Variants in LRRFIP1 observed in about 807,000 individuals in gnomAD.
LRRFIP1 encodes the protein LRR binding FLII interacting protein 1.
LRRFIP1 carries 62 observed loss-of-function variants against 104.4 expected under a neutral mutation model. The observed-to-expected ratio is 0.59, with a 90% CI of 0.48 to 0.73. The LOEUF is 0.73. Ranked by LOEUF, LRRFIP1 falls within the 30% of genes least tolerant of loss-of-function variation. The pLI, the probability that LRRFIP1 is intolerant of heterozygous loss-of-function variation, is 0.00. For missense variants in LRRFIP1, 796 were observed against 824.5 expected, an observed-to-expected ratio of 0.97 and a Z score of 0.42; for synonymous variants, 300 against 299.0, an observed-to-expected ratio of 1.00 and a Z score of -0.03.
At chr2:237,674,572 A>G (rs1310683711) in intron 1 of LRRFIP1, among the ~76,000 whole-genome samples, 3 of 152,270 alleles carry the variant, frequency 2.0e-5, no homozygotes, top group Admixed American at 6.5e-5. Flanking sequence ...TAAGGAAGAC[A>G]AAAGAACTGC....
chr2:237,633,385 A>G (rs1253932762), intron 1 of LRRFIP1, among the ~76,000 whole-genome samples: 1 of 152,188 alleles, frequency 6.6e-6, no homozygotes, highest in African/African-American at 2.4e-5. Flanking sequence ...AGCTGTGGAC[A>G]GGCCTGCTGG....
chr2:237,673,352 CG>C (rs898074543), intron 1 of LRRFIP1, among the ~76,000 whole-genome samples: 1 of 152,088 alleles, frequency 6.6e-6, no homozygotes, highest in African/African-American at 2.4e-5. Context: ...GGTAGGCGCC[CG>C]GGGGGAGTCT....
chr2:237,719,475 C>T, intron 4 of LRRFIP1, 48 bp from the exon 5 acceptor site: 3 of 1,451,218 alleles, frequency 2.1e-6, no homozygotes, highest in Non-Finnish European at 2.9e-6. Flanking sequence ...AGCACTTTTC[C>T]TGTGTCCATC....
intron 19 of LRRFIP1, chr2:237,763,221 G>A: frequency 5.6e-6 from 9 of 1,614,128 alleles, no homozygotes; most frequent in Non-Finnish European, 7.6e-6. Flanking sequence ...GAAGAAGAGG[G>A]TGAAGAAACA....
chr2:237,706,450 A>C (rs980975319), intron 1 of LRRFIP1, among the ~76,000 whole-genome samples: 2 of 151,922 alleles, frequency 1.3e-5, no homozygotes, highest in African/African-American at 4.8e-5. Flanking sequence ...GAAACCTCGT[A>C]CCTGCTCTGT....
At chr2:237,760,899 C>T (rs2059789391) in intron 19 of LRRFIP1, among the ~76,000 whole-genome samples, 1 of 152,106 alleles carries the variant, frequency 6.6e-6, no homozygotes, top group South Asian at 2.1e-4. Context: ...TATTTTATAC[C>T]ATTTTCAATG....
At chr2:237,629,152 A>G (rs1305089223) in intron 1 of LRRFIP1, among the ~76,000 whole-genome samples, 1 of 152,280 alleles carries the variant, frequency 6.6e-6, no homozygotes, top group Non-Finnish European at 1.5e-5. Context: ...AGCTCAGCAC[A>G]GAGCCAGGCA....
intron 1 of LRRFIP1, among the ~76,000 whole-genome samples, chr2:237,680,148 A>G (rs1204600568): frequency 6.6e-6 from 1 of 152,108 alleles, no homozygotes; most frequent in African/African-American, 2.4e-5. Flanking sequence ...TTCCACATTC[A>G]TGGATTCAAC....
rs2060273507 is a variant in LRRFIP1, at chr2:237,766,760, C to T, written c.1460-3183C>T. 6.6e-6 allele frequency among the ~76,000 whole-genome samples: 1 copy of T among 152,216 alleles called. No homozygotes were observed. Among genetic ancestry groups the T allele is most frequent in the Non-Finnish European group, 1.5e-5 (1 of 68,040 alleles). On this transcript the variant is annotated intron_variant, in intron 19 of 23. Transcript: ENST00000308482. The surrounding 1 kb of genome is among the most constrained non-coding windows in gnomAD (Gnocchi z 4.8). ...AAAGAAAGAGTTCTGAGCAGCCAAA[C>T]CATTTCTCGATGATTTCAGAGCCTT...
At chr2:237,746,742 C>T (rs1017594674) in intron 11 of LRRFIP1, among the ~76,000 whole-genome samples, 1 of 152,200 alleles carries the variant, frequency 6.6e-6, no homozygotes, top group South Asian at 2.1e-4. Context: ...CTGCACCCAA[C>T]GTGAGAATGG....
At chr2:237,635,878 C>G (rs2083016860) in intron 1 of LRRFIP1, among the ~76,000 whole-genome samples, 1 of 152,086 alleles carries the variant, frequency 6.6e-6, no homozygotes, top group African/African-American at 2.4e-5. Flanking sequence ...GAGTGGATCA[C>G]TTGAGCTCAG....
chr2:237,646,327 A>G (rs908377715), intron 1 of LRRFIP1, among the ~76,000 whole-genome samples: 5 of 151,896 alleles, frequency 3.3e-5, no homozygotes, highest in African/African-American at 4.8e-5. Flanking sequence ...ATGTGTGCCA[A>G]GGGGATTTGC....
At chr2:237,707,319 G>A (rs749397571) in intron 1 of LRRFIP1, among the ~76,000 whole-genome samples, 16 of 151,098 alleles carry the variant, frequency 1.1e-4, no homozygotes, top group Non-Finnish European at 1.8e-4. Flanking sequence ...TGTAGTCCCA[G>A]CTACTCAGGA....
chr2:237,745,878 CAAGAGTTAA>C (rs1010686956), intron 11 of LRRFIP1, among the ~76,000 whole-genome samples: 72 of 152,152 alleles, frequency 4.7e-4, no homozygotes, highest in African/African-American at 1.6e-3. Flanking sequence ...CATATCCCAC[CAAGAGTTAA>C]ACTAGCCTCT....
intron 6 of LRRFIP1, 149 bp downstream of exon 6, chr2:237,720,971 C>A (rs2094517403): frequency 1.5e-6 from 1 of 671,478 alleles, no homozygotes; most frequent in Non-Finnish European, 2.7e-6. Flanking sequence ...AAAATCAAAT[C>A]AATGGGGGAT....
chr2:237,678,023 C>T (rs2091366083), intron 1 of LRRFIP1, among the ~76,000 whole-genome samples: 1 of 152,162 alleles, frequency 6.6e-6, no homozygotes, highest in Admixed American at 6.5e-5. Context: ...GACCATTTCC[C>T]CTTTTTCTAA....
intron 1 of LRRFIP1, among the ~76,000 whole-genome samples, chr2:237,700,078 G>T (rs1037773441): frequency 6.6e-6 from 1 of 152,188 alleles, no homozygotes; most frequent in Non-Finnish European, 1.5e-5. Flanking sequence ...TGTGCCGTCC[G>T]TTCTTGTCCA....
At chr2:237,659,936 G>T (rs1424471930) in intron 1 of LRRFIP1, among the ~76,000 whole-genome samples, 3 of 152,162 alleles carry the variant, frequency 2.0e-5, no homozygotes, top group African/African-American at 7.2e-5. Context: ...ACCGCAAGTG[G>T]CCGAGAAGTT....
chr2:237,642,052 A>G (rs1212716957), intron 1 of LRRFIP1, among the ~76,000 whole-genome samples: 1 of 152,130 alleles, frequency 6.6e-6, no homozygotes, highest in Non-Finnish European at 1.5e-5. Context: ...GAGGGTCAGC[A>G]TTGGGTGCTG....
Sources: gnomAD v4.1 joint callset for allele counts (sites outside exome capture counted in the v4.1 genomes callset) on GRCh38, gnomAD v4.1.1 for gene constraint, Gnocchi (gnomAD v3.1) non-coding constraint, MANE v1.5 for transcripts, NCBI Gene and HGNC (gene_info 2026-07-23, HGNC 2026-07-21) for gene names.